Variants in HOXB3 observed in about 807,000 individuals in gnomAD.
The protein encoded by HOXB3 is homeobox B3.
In HOXB3, 17 loss-of-function variants were observed where a neutral mutation model predicts 29.2. That is an observed-to-expected ratio of 0.58 (90% CI 0.40 to 0.87). HOXB3 has a LOEUF of 0.87. HOXB3 is among the 40% of genes least tolerant of loss of function. The pLI is 0.00. For synonymous variants in HOXB3, 317 were observed against 285.9 expected (o/e 1.11, Z -1.10); for missense variants, 637 against 616.3 (o/e 1.03, Z -0.35).
chr17:48,554,770 T>A lies in HOXB3; in HGVS notation c.-159+761A>T, dbSNP rs1346969511. 2.8e-6 allele frequency: 2 copies of A among 702,262 alleles called. No homozygotes were observed. Among genetic ancestry groups the A allele is most frequent in the Non-Finnish European group, 5.2e-6 (2 of 384,788 alleles). The allele number at this position is 702,262 out of a possible 1,614,324, so 43.5% of individuals were successfully genotyped here. On this transcript the variant is annotated intron_variant, in intron 3 of 4. Coordinates refer to ENST00000498678, the MANE Select transcript of HOXB3 (RefSeq NM_001384749.1). This position sits in a 1 kb window ranked among gnomAD's most constrained non-coding sequence, Gnocchi z 4.1. ...GTTTTGGGAGCTGGAGGTAACCGAA[T>A]TAAAAGGCGCCTTAGAAACTCCGCT... is the stretch of plus-strand genomic sequence containing the variant.
At chr17:48,587,580 C>T (rs979235926) in intron 1 of HOXB3, among the ~76,000 whole-genome samples, 21 of 152,170 alleles carry the variant, frequency 1.4e-4, no homozygotes, top group Non-Finnish European at 3.1e-4. Flanking sequence ...AGGAACCAGG[C>T]AAGGAAAGGA....
intron 2 of HOXB3, among the ~76,000 whole-genome samples, chr17:48,560,573 C>T (rs1459215812): frequency 2.6e-5 from 4 of 152,188 alleles, no homozygotes; most frequent in Non-Finnish European, 4.4e-5. Flanking sequence ...CCCAAGGCAG[C>T]CTGGAAACCT....
intron 1 of HOXB3, chr17:48,577,916 G>A: frequency 1.5e-6 from 2 of 1,375,906 alleles, no homozygotes; most frequent in Non-Finnish European, 1.9e-6. Context: ...CTCTTTGCAC[G>A]CGGAGTGGGA....
intron 1 of HOXB3, 85 bp from the exon 2 acceptor site, chr17:48,574,099 C>T (rs959716970): frequency 2.0e-5 from 11 of 554,876 alleles, no homozygotes; most frequent in Non-Finnish European, 3.5e-5. Context: ...TCACATTTTT[C>T]TTAGCTCTTG....
chr17:48,582,851 T>G (rs373866897), intron 1 of HOXB3, among the ~76,000 whole-genome samples: 2 of 152,188 alleles, frequency 1.3e-5, no homozygotes, highest in South Asian at 4.1e-4. Context: ...TTTTGTCAGC[T>G]CGGGTTCCAG....
chr17:48,557,472 T>C (rs1042001514), intron 2 of HOXB3: 1 of 152,250 alleles, frequency 6.6e-6, no homozygotes, highest in African/African-American at 2.4e-5. Context: ...TGGGATGAGA[T>C]AGGGAGTGGC....
chr17:48,589,596 C>T (rs1176572892), intron 1 of HOXB3, among the ~76,000 whole-genome samples: 3 of 152,024 alleles, frequency 2.0e-5, no homozygotes, highest in Admixed American at 1.3e-4. Context: ...CTTCAAAGAT[C>T]GGAAAGCCAG....
chr17:48,552,266 T>C lies in HOXB3; in HGVS notation c.209A>G (p.Asn70Ser). 1.2e-6 allele frequency: 2 copies of C among 1,613,822 alleles called. No individual in the cohort carries two copies. Among genetic ancestry groups the C allele is most frequent in the Non-Finnish European group, 1.7e-6 (2 of 1,179,944 alleles). The change falls in exon 4 of 5, where the codon AAC (asparagine) becomes AGC (serine). Residue 70 changes from asparagine to serine, a missense_variant. Coordinates refer to ENST00000498678, the MANE Select transcript of HOXB3 (RefSeq NM_001384749.1). ...CAGACCCGGCCTCATGCAGCTGCCG[T>C]TGAGCTCCTTGCTCTTGGCATGTGG... ...AAPHAKSKEL[N>S]GSCMRPGLAP...
At position 48,555,369 on chromosome 17, in the gene HOXB3, G is replaced by GGGGAGAGA. The variant is rs2068938470; in HGVS notation, c.-159+161_-159+162insTCTCTCCC. On this transcript the variant is annotated intron_variant, in intron 3 of 4. Coordinates refer to ENST00000498678, the MANE Select transcript of HOXB3 (RefSeq NM_001384749.1). ...GAGAGAGAGAGAGAGAGAGAGGGAG[G>GGGGAGAGA]GAGGGAGGGAGGGAGGGAGGGAGAG... 16 of 205,056 alleles carry GGGGAGAGA rather than the reference G, an allele frequency of 7.8e-5. No individual in the cohort carries two copies. In the African/African-American group the frequency reaches 8.6e-4, roughly 11 times the overall value. 12.7% of individuals were successfully genotyped at this position (205,056 alleles called of 1,614,324 possible).
In HOXB3 at chr17:48,552,626, G is replaced by C; in HGVS notation, c.-152C>G. Reference sequence around the variant, plus strand: ...CCCTCCTCCGGGGTCTGTTCCAAGCGGCTGACCTGCGAGGCGAGAGAAGAG... The same window carrying C: ...CCCTCCTCCGGGGTCTGTTCCAAGCCGCTGACCTGCGAGGCGAGAGAAGAG... On this transcript the variant is annotated 5_prime_UTR_variant, in exon 4 of 5. Transcript: ENST00000498678. The C allele has an allele frequency of 6.7e-6, 4 of 593,050 alleles. No individual in the cohort carries two copies. In the South Asian group the frequency reaches 9.0e-5, roughly 13 times the overall value. 36.7% of individuals were successfully genotyped at this position (593,050 alleles called of 1,614,324 possible). A position where few individuals can be genotyped will look rare whatever the true frequency, so the allele number is the denominator to read the frequency against.
chr17:48,576,716 G>C (rs754884797), intron 1 of HOXB3: 2 of 1,591,288 alleles, frequency 1.3e-6, no homozygotes, highest in African/African-American at 1.3e-5. Context: ...CCCGCGTGCG[G>C]GGGCACTAGA....
At chr17:48,574,788 G>A (rs928434677) in intron 1 of HOXB3, among the ~76,000 whole-genome samples, 1 of 152,150 alleles carries the variant, frequency 6.6e-6, no homozygotes, top group East Asian at 1.9e-4. Context: ...CTCAGAGACA[G>A]AAAGCTATTT....
chr17:48,575,502 C>T (rs1226146644), intron 1 of HOXB3: 4 of 152,308 alleles, frequency 2.6e-5, no homozygotes, highest in African/African-American at 4.8e-5. Flanking sequence ...AACAAAAACA[C>T]GCTGTGCTGG....
intron 2 of HOXB3, chr17:48,557,132 C>T (rs2069022755): frequency 6.6e-6 from 1 of 152,318 alleles, no homozygotes; most frequent in Non-Finnish European, 1.5e-5. Context: ...AAAAAGAGCA[C>T]CAGGACATTT....
chr17:48,576,486 G>T (rs967297207), intron 1 of HOXB3: 27 of 393,384 alleles, frequency 6.9e-5, no homozygotes, highest in Non-Finnish European at 9.8e-5. Flanking sequence ...AAGAAAGAAA[G>T]CAAGAGATTT....
intron 2 of HOXB3, among the ~76,000 whole-genome samples, chr17:48,571,863 A>G (rs1355286104): frequency 1.3e-5 from 2 of 152,206 alleles, no homozygotes; most frequent in East Asian, 1.9e-4. Context: ...CTTGCCTGAG[A>G]TAGAGTCCCC....
At chr17:48,555,995 T>G (rs1009919843) in intron 2 of HOXB3, among the ~76,000 whole-genome samples, 1 of 151,090 alleles carries the variant, frequency 6.6e-6, no homozygotes, top group African/African-American at 2.4e-5. Flanking sequence ...ACACACTCAC[T>G]CACACACAAG....
intron 4 of HOXB3, 78 bp downstream of exon 4, chr17:48,551,949 A>T: frequency 7.2e-7 from 1 of 1,391,582 alleles, no homozygotes; most frequent in Non-Finnish European, 9.8e-7. Flanking sequence ...GCGGGCGCCT[A>T]GGGGCTGGGT....
chr17:48,567,381 T>C (rs1476207407), intron 2 of HOXB3, among the ~76,000 whole-genome samples: 1 of 152,202 alleles, frequency 6.6e-6, no homozygotes, highest in African/African-American at 2.4e-5. Context: ...TCACAGATAA[T>C]CGTGGCTATA....
Sources: gnomAD v4.1 joint callset for allele counts (sites outside exome capture counted in the v4.1 genomes callset) on GRCh38, gnomAD v4.1.1 for gene constraint, Gnocchi (gnomAD v3.1) non-coding constraint, MANE v1.5 for transcripts, NCBI Gene and HGNC (gene_info 2026-07-23, HGNC 2026-07-21) for gene names.